The following RBPMS variants were observed in gnomAD, a reference collection of about 807,000 sequenced individuals.
The protein encoded by RBPMS is RNA binding protein, mRNA processing factor, also known as RNA-binding protein with multiple splicing.
Under a neutral mutation model 26.8 loss-of-function variants are expected in RBPMS, and 7 were observed. The observed-to-expected ratio is 0.26, with a 90% CI of 0.15 to 0.49. RBPMS has a LOEUF of 0.49. Ranked by LOEUF, RBPMS falls within the 20% of genes least tolerant of loss-of-function variation. The pLI, the probability that RBPMS is intolerant of heterozygous loss-of-function variation, is 0.98. For missense variants in RBPMS, 186 were observed against 250.0 expected (o/e 0.74, Z 1.73); for synonymous variants, 96 against 93.3 (o/e 1.03, Z -0.17).
At chr8:30,560,130 T>C (rs78639996) in intron 7 of RBPMS, among the ~76,000 whole-genome samples, 4,710 of 152,072 alleles carry the variant, frequency 0.031, 104 homozygotes, top group African/African-American at 0.049. Flanking sequence ...AAAGAGAGCA[T>C]TGAATAAGAT....
chr8:30,438,786 T>G (rs1198515500), intron 1 of RBPMS, among the ~76,000 whole-genome samples: 1 of 152,162 alleles, frequency 6.6e-6, no homozygotes, highest in Non-Finnish European at 1.5e-5. Context: ...TTTTATTTAT[T>G]TTTTTTGAAA....
At chr8:30,558,753 A>G (rs928070593) in intron 6 of RBPMS, 134 bp from the exon 7 acceptor site, 1 of 755,182 alleles carries the variant, frequency 1.3e-6, no homozygotes, top group Middle Eastern at 2.3e-4. Context: ...CCCTTGGGGA[A>G]GAGGCCCTCA....
chr8:30,504,339 G>A lies in RBPMS; in HGVS notation c.300G>A (p.Lys100=), dbSNP rs1300897945. Residue 100 remains lysine, a synonymous_variant, in exon 5 of 9, where the codon AAG becomes AAA. Transcript: ENST00000397323. Reference sequence around the variant, plus strand: ...AAACACTACGACTAGAGTTTGCTAAGGCAAACACGAAGATGGCCAAGAACA... The same window carrying A: ...AAACACTACGACTAGAGTTTGCTAAAGCAAACACGAAGATGGCCAAGAACA... The part of the protein sequence containing the change: ...IPQTLRLEFA[K]ANTKMAKNKL... 1 of 1,614,152 alleles carries A rather than the reference G, an allele frequency of 6.2e-7. No homozygotes were observed. Among genetic ancestry groups the A allele is most frequent in the South Asian group, 1.1e-5 (1 of 91,082 alleles).
chr8:30,523,247 C>T (rs1315979307), intron 5 of RBPMS, among the ~76,000 whole-genome samples: 2 of 151,666 alleles, frequency 1.3e-5, no homozygotes, highest in African/African-American at 4.8e-5. Flanking sequence ...CATGGTGGTG[C>T]GTGCCTGTGA....
At chr8:30,518,785 C>T (rs893924022) in intron 5 of RBPMS, among the ~76,000 whole-genome samples, 2 of 136,288 alleles carry the variant, frequency 1.5e-5, no homozygotes, top group Admixed American at 8.2e-5. Flanking sequence ...CAGGCACATG[C>T]ATACATTATC....
rs557467869 is a variant in RBPMS at position 30,514,439 on chromosome 8, T to G, written c.397+10003T>G. On this transcript the variant is annotated intron_variant, in intron 5 of 8. Transcript: ENST00000397323. ...TGTCACTTCACGGAAAATGACAGTTTTTGTTCCAAATAATAAAATTTTAGG... is the reference window on the plus strand; with the variant it reads ...TGTCACTTCACGGAAAATGACAGTTGTTGTTCCAAATAATAAAATTTTAGG... 3.3e-5 allele frequency among the ~76,000 whole-genome samples: 5 copies of G among 152,332 alleles called. No homozygotes were observed. The East Asian group carries it at 9.6e-4, about 29-fold the overall frequency.
intron 1 of RBPMS, among the ~76,000 whole-genome samples, chr8:30,447,369 TACATAAA>T (rs1813989943): frequency 6.6e-6 from 1 of 152,218 alleles, no homozygotes; most frequent in South Asian, 2.1e-4. Context: ...AATTTATTAC[TACATAAA>T]ATAGAGAATA....
chr8:30,487,411 C>A (rs948754435), intron 4 of RBPMS, among the ~76,000 whole-genome samples: 2 of 152,302 alleles, frequency 1.3e-5, no homozygotes, highest in South Asian at 4.1e-4. Flanking sequence ...CATTTTAAAA[C>A]CTTAGGGAGT....
intron 7 of RBPMS, among the ~76,000 whole-genome samples, chr8:30,562,412 C>T (rs1399946413): frequency 6.6e-6 from 1 of 151,968 alleles, no homozygotes; most frequent in Non-Finnish European, 1.5e-5. Flanking sequence ...GGCCAGACTC[C>T]TTCCTCGGAG....
rs372649824 is a variant in RBPMS, at chr8:30,534,412, A to G, written c.398-10082A>G. 1.9e-3 allele frequency among the ~76,000 whole-genome samples: 293 copies of G among 152,348 alleles called. 2 individuals are homozygous for G. The South Asian group carries it at 0.02, about 11-fold the overall frequency. ...CTATACACGTAAGCACAAAATAAAT[A>G]CTTGTTCTGGTTTCTAGGGATACAT... On this transcript the variant is annotated intron_variant, in intron 5 of 8. Coordinates refer to ENST00000397323, the MANE Select transcript of RBPMS (RefSeq NM_001008710.3).
chr8:30,567,370 C>T (rs1024870605), intron 8 of RBPMS, among the ~76,000 whole-genome samples: 2 of 152,178 alleles, frequency 1.3e-5, no homozygotes, highest in Admixed American at 6.5e-5. Context: ...CACAGGAAGC[C>T]GGACCCTGCA....
chr8:30,464,741 A>C (rs1329035763), intron 1 of RBPMS, among the ~76,000 whole-genome samples: 1 of 152,224 alleles, frequency 6.6e-6, no homozygotes, highest in Non-Finnish European at 1.5e-5. Context: ...TGAGTCACCC[A>C]GATTATGCAA....
chr8:30,489,720 G>A (rs1819182667), intron 4 of RBPMS, among the ~76,000 whole-genome samples: 1 of 152,194 alleles, frequency 6.6e-6, no homozygotes, highest in Non-Finnish European at 1.5e-5. Flanking sequence ...AGGGATTACA[G>A]GCGTGAGCCA....
In RBPMS at chr8:30,558,942, T is replaced by C; in HGVS notation, c.584T>C (p.Phe195Ser). ...TCTCAGGGCTGGAAGTCCCGTCAGT[T>C]CTGCTGAATACTATGTAAGTACTCG... ...ATSQGWKSRQFC is the reference protein window; with the variant it reads ...ATSQGWKSRQSC Residue 195 changes from phenylalanine to serine, a missense_variant, in exon 7 of 9, where the codon TTC (phenylalanine) becomes TCC (serine). Physicochemically the swap from Phe to Ser is radical, Grantham distance 155. Transcript: ENST00000397323. 6.2e-7 allele frequency: 1 copy of C among 1,614,048 alleles called. No homozygotes were observed. The highest frequency in any genetic ancestry group is 1.1e-5 in the South Asian group (1 of 91,088).
At chr8:30,515,662 T>A (rs754309633) in intron 5 of RBPMS, among the ~76,000 whole-genome samples, 5 of 152,222 alleles carry the variant, frequency 3.3e-5, no homozygotes, top group Non-Finnish European at 7.3e-5. Flanking sequence ...TAAACTTTTT[T>A]TCTTTTTTAA....
chr8:30,510,822 C>T (rs1355264131), intron 5 of RBPMS, among the ~76,000 whole-genome samples: 4 of 152,202 alleles, frequency 2.6e-5, no homozygotes, highest in Non-Finnish European at 4.4e-5. Flanking sequence ...ATCCACCTGC[C>T]TTGGCCTCCC....
At chr8:30,515,466 A>AT (rs1302830401) in intron 5 of RBPMS, among the ~76,000 whole-genome samples, 3 of 152,096 alleles carry the variant, frequency 2.0e-5, no homozygotes, top group Non-Finnish European at 4.4e-5. Context: ...GTGAGACCAT[A>AT]TTTTTTTCAT....
chr8:30,419,450 A>ATGTGTGTGTGTGTGTG (rs71278690), intron 1 of RBPMS, among the ~76,000 whole-genome samples: 1,975 of 143,208 alleles, frequency 0.014, 61 homozygotes, highest in African/African-American at 0.049. Context: ...CATCTCAAAA[A>ATGTGTGTGTGTGTGTG]TGTGTGTGTG....
chr8:30,555,788 T>C (rs908961685), intron 6 of RBPMS: 7 of 674,810 alleles, frequency 1.0e-5, no homozygotes, highest in African/African-American at 3.9e-5. Flanking sequence ...GCAGCCCTTA[T>C]GGGATGGGCA....
Sources: allele counts gnomAD v4.1 joint callset (sites outside exome capture counted in the v4.1 genomes callset), GRCh38; gene constraint gnomAD v4.1.1; transcripts MANE v1.5; gene names NCBI Gene and HGNC (gene_info 2026-07-23, HGNC 2026-07-21).